Variants in LPAR1 observed in about 807,000 individuals in gnomAD.
LPAR1 encodes the protein LPA receptor 1.
LPAR1 carries 5 observed loss-of-function variants against 23.8 expected under a neutral mutation model. The ratio of observed to expected loss-of-function variants is 0.21; its 90% CI spans 0.11 to 0.44. The LOEUF is 0.44. Ranked by LOEUF, LPAR1 falls within the 20% of genes least tolerant of loss-of-function variation. LPAR1 has a pLI of 0.99. For missense variants in LPAR1, 311 were observed against 482.8 expected (o/e 0.64, Z 3.33); for synonymous variants, 160 against 164.7 (o/e 0.97, Z 0.22).
At chr9:110,925,764 G>C (rs1426501640) in intron 5 of LPAR1, among the ~76,000 whole-genome samples, 5 of 152,144 alleles carry the variant, frequency 3.3e-5, no homozygotes, top group African/African-American at 1.2e-4. Flanking sequence ...CATGTGCCAG[G>C]CAGCATGCTA....
In LPAR1 at chr9:110,892,448, G is replaced by A. The variant is rs193053117; in HGVS notation, c.794-16726C>T. Among the ~76,000 whole-genome samples, 551 of 152,138 alleles carry A rather than the reference G, an allele frequency of 3.6e-3. 2 individuals are homozygous for A. The highest frequency in any genetic ancestry group is 0.012 in the African/African-American group (511 of 41,526). ...TGGGAGGCCGAGGCAGGTGGATCAC[G>A]AGGTCAGGAGTTTGAGACCAGCCTG... On this transcript the variant is annotated intron_variant, in intron 5 of 5. Coordinates refer to ENST00000683809, the MANE Select transcript of LPAR1 (RefSeq NM_001351411.2).
intron 4 of LPAR1, among the ~76,000 whole-genome samples, chr9:110,962,014 C>T (rs2096011501): frequency 6.6e-6 from 1 of 152,136 alleles, no homozygotes; most frequent in South Asian, 2.1e-4. Flanking sequence ...GACTATAATC[C>T]TCACAATCAT....
chr9:110,889,596 A>G (rs2083459372), intron 5 of LPAR1, among the ~76,000 whole-genome samples: 1 of 152,204 alleles, frequency 6.6e-6, no homozygotes, highest in South Asian at 2.1e-4. Context: ...CACTACTAGA[A>G]TTTTTGTCAC....
At chr9:111,019,840 G>A (rs942792327) in intron 2 of LPAR1, among the ~76,000 whole-genome samples, 11 of 152,008 alleles carry the variant, frequency 7.2e-5, no homozygotes, top group African/African-American at 2.2e-4. Context: ...GTGAGACTCC[G>A]TCTCAAAAAA....
intron 5 of LPAR1, among the ~76,000 whole-genome samples, chr9:110,931,808 G>A (rs992915376): frequency 6.6e-6 from 1 of 152,194 alleles, no homozygotes; most frequent in Non-Finnish European, 1.5e-5. Context: ...TTTTTGTCAG[G>A]TTTGTCAAAG....
chr9:111,017,848 A>G (rs2097485268), intron 2 of LPAR1, among the ~76,000 whole-genome samples: 1 of 152,002 alleles, frequency 6.6e-6, no homozygotes, highest in Admixed American at 6.6e-5. Flanking sequence ...GGTGAAACCT[A>G]TCTCTACTAA....
rs1051767307 is a variant in LPAR1, at chr9:110,884,773, T to C, written c.794-9051A>G. Among the ~76,000 whole-genome samples, 8 of 152,328 alleles carry C rather than the reference T, an allele frequency of 5.3e-5. No homozygotes were observed. In the East Asian group the frequency reaches 7.7e-4, roughly 15 times the overall value. ...CACATTCGTCTTTAGATTAAGGAAA[T>C]ATCCTATTACTTTGAGTAATTTTCT... is the stretch of plus-strand genomic sequence containing the variant. On this transcript the variant is annotated intron_variant, in intron 5 of 5. Transcript: ENST00000683809.
chr9:110,962,493 G>A (rs2096037994), intron 4 of LPAR1, among the ~76,000 whole-genome samples: 1 of 152,106 alleles, frequency 6.6e-6, no homozygotes, highest in Admixed American at 6.5e-5. Flanking sequence ...ATCACCTGCT[G>A]GACATTCTGA....
intron 4 of LPAR1, among the ~76,000 whole-genome samples, chr9:110,969,735 A>T (rs2096352322): frequency 6.6e-6 from 1 of 152,140 alleles, no homozygotes; most frequent in African/African-American, 2.4e-5. Flanking sequence ...AGAAATAAAT[A>T]AAATGACTGA....
rs948057296 is a variant in LPAR1, at chr9:111,034,611, A to G, written c.-182+1511T>C. Among the ~76,000 whole-genome samples the G allele has an allele frequency of 1.5e-4, 23 of 152,186 alleles. 1 individual carries two copies. Among genetic ancestry groups the G allele is most frequent in the Admixed American group, 6.5e-5 (1 of 15,276 alleles). Reference sequence around the variant, plus strand: ...TATTAGTTTATTCTACAACCTTTATATAATTTGAGTAAACAGGCAATAGTG... The same window carrying G: ...TATTAGTTTATTCTACAACCTTTATGTAATTTGAGTAAACAGGCAATAGTG... On this transcript the variant is annotated intron_variant, in intron 2 of 5. Transcript: ENST00000683809.
At chr9:110,929,713 T>C (rs1163694277) in intron 5 of LPAR1, among the ~76,000 whole-genome samples, 2 of 69,554 alleles carry the variant, frequency 2.9e-5, no homozygotes, top group Non-Finnish European at 9.3e-5. Flanking sequence ...TGTGTGTGTG[T>C]GTGTGTGTGT....
At chr9:110,924,082 A>T (rs896759323) in intron 5 of LPAR1, among the ~76,000 whole-genome samples, 3 of 152,144 alleles carry the variant, frequency 2.0e-5, no homozygotes, top group African/African-American at 7.2e-5. Context: ...ACTAAAAAAA[A>T]TCCAATATTG....
intron 2 of LPAR1, among the ~76,000 whole-genome samples, chr9:111,027,012 GTT>G (rs1172788279): frequency 6.6e-6 from 1 of 152,118 alleles, no homozygotes; most frequent in Non-Finnish European, 1.5e-5. Flanking sequence ...TCTCTGCCAG[GTT>G]TTAGTATCAG....
intron 3 of LPAR1, among the ~76,000 whole-genome samples, chr9:110,972,622 G>C (rs920184643): frequency 1.3e-5 from 2 of 152,168 alleles, no homozygotes; most frequent in African/African-American, 4.8e-5. Flanking sequence ...TATCTGAGGA[G>C]TGGATTCTAA....
At chr9:110,994,963 G>C (rs956213258) in intron 2 of LPAR1, among the ~76,000 whole-genome samples, 1 of 152,146 alleles carries the variant, frequency 6.6e-6, no homozygotes, top group Non-Finnish European at 1.5e-5. Flanking sequence ...GTACCACCAA[G>C]TTTAGCTGTG....
At position 111,037,272 on chromosome 9, in the gene LPAR1, G is replaced by A. The variant is rs115492388; in HGVS notation, c.-262+895C>T. ...ATATCTATCTAACCCCATAGGAAAC[G>A]ACGCGTCCATAGTGAAACAAGCCAG... On this transcript the variant is annotated intron_variant, in intron 1 of 5. Transcript: ENST00000683809. Among the ~76,000 whole-genome samples the A allele has an allele frequency of 6.7e-3, 1,019 of 152,164 alleles. 7 individuals are homozygous for A. The highest frequency in any genetic ancestry group is 0.023 in the African/African-American group (941 of 41,480).
At chr9:110,959,164 T>A (rs1588540833) in intron 4 of LPAR1, among the ~76,000 whole-genome samples, 1 of 26,432 alleles carries the variant, frequency 3.8e-5, no homozygotes, top group Non-Finnish European at 5.9e-5. Flanking sequence ...TATGAAGATG[T>A]CTCTACAAAA....
intron 5 of LPAR1, among the ~76,000 whole-genome samples, chr9:110,894,323 A>G: frequency 6.6e-6 from 1 of 152,194 alleles, no homozygotes; most frequent in East Asian, 1.9e-4. Flanking sequence ...TGCATATGGG[A>G]CATTGGACAA....
At chr9:110,914,812 A>T (rs942252477) in intron 5 of LPAR1, among the ~76,000 whole-genome samples, 2 of 152,124 alleles carry the variant, frequency 1.3e-5, no homozygotes, top group Non-Finnish European at 2.9e-5. Context: ...TTGCTTGCTG[A>T]GATGATACTT....
Sources: allele counts gnomAD v4.1 joint callset (sites outside exome capture counted in the v4.1 genomes callset), GRCh38; gene constraint gnomAD v4.1.1; transcripts MANE v1.5; gene names NCBI Gene and HGNC (gene_info 2026-07-23, HGNC 2026-07-21).